The following ADGRL2 variants were observed in gnomAD, a reference collection of about 807,000 sequenced individuals.
ADGRL2 encodes the protein calcium-independent alpha-latrotoxin receptor 2.
ADGRL2 carries 44 observed loss-of-function variants against 157.4 expected under a neutral mutation model. The ratio of observed to expected loss-of-function variants is 0.28; its 90% confidence interval spans 0.22 to 0.36. The LOEUF is 0.36. Among genes scored for constraint, ADGRL2 ranks in the 10% least tolerant of loss-of-function variants. The pLI is 1.00. For synonymous variants in ADGRL2, 585 were observed against 624.7 expected (o/e 0.94, Z 0.95); for missense variants, 1,510 against 1,768.9 (o/e 0.85, Z 2.63).
intron 2 of ADGRL2, among the ~76,000 whole-genome samples, chr1:81,906,666 T>C (rs889259348): frequency 6.6e-6 from 1 of 152,148 alleles, no homozygotes; most frequent in African/African-American, 2.4e-5. Context: ...AAATGAAAAT[T>C]CTTTCTTGAT....
chr1:81,712,987 A>G (rs2083986837), intron 1 of ADGRL2, among the ~76,000 whole-genome samples: 1 of 151,842 alleles, frequency 6.6e-6, no homozygotes, highest in African/African-American at 2.4e-5. Flanking sequence ...CAAACTCCTG[A>G]CCTCAGGTGA....
chr1:81,400,940 G>C (rs551564148), intron 1 of ADGRL2, among the ~76,000 whole-genome samples: 1 of 152,158 alleles, frequency 6.6e-6, no homozygotes, highest in Non-Finnish European at 1.5e-5. Context: ...AGGATGCATA[G>C]CTGTTCAGTT....
chr1:81,336,743 T>C (rs552723999), intron 1 of ADGRL2, among the ~76,000 whole-genome samples: 1 of 152,302 alleles, frequency 6.6e-6, no homozygotes, highest in East Asian at 1.9e-4. Context: ...AGGGAAATAC[T>C]GGGTAGAAGA....
intron 1 of ADGRL2, chr1:81,722,308 G>A (rs2084359166): frequency 1.7e-6 from 1 of 589,398 alleles, no homozygotes; most frequent in African/African-American, 1.9e-5. Context: ...AAAAGAAAAT[G>A]CAGAGATAAC....
chr1:81,975,227 T>G (rs1327024), intron 17 of ADGRL2, among the ~76,000 whole-genome samples: 2,525 of 152,230 alleles, frequency 0.017, 46 homozygotes, highest in South Asian at 0.059. Context: ...TAGCCTATAC[T>G]TACTAGTAGT....
In ADGRL2 at chr1:81,961,244, C is replaced by CT. The variant is rs78729339; in HGVS notation, c.2018-4813dup. ...CAGAAAGTAGAGGATAGCATAACATCTGTGTACCACTTACTCAGCTGAGCC... is the reference window on the plus strand; with the variant it reads ...CAGAAAGTAGAGGATAGCATAACATCTTGTGTACCACTTACTCAGCTGAGCC... On this transcript the variant is annotated intron_variant, in intron 11 of 23. Coordinates refer to ENST00000686636, the MANE Select transcript of ADGRL2 (RefSeq NM_001366006.2). 6.8e-4 allele frequency among the ~76,000 whole-genome samples: 104 copies of CT among 152,212 alleles called. 1 individual carries two copies. The East Asian group carries it at 0.019, about 28-fold the overall frequency.
chr1:81,482,129 A>C (rs1272700926), intron 2 of ADGRL2, among the ~76,000 whole-genome samples: 1 of 152,198 alleles, frequency 6.6e-6, no homozygotes, highest in East Asian at 1.9e-4. Context: ...CTCTTTTAAA[A>C]CACCAGTTTG....
intron 2 of ADGRL2, among the ~76,000 whole-genome samples, chr1:81,882,330 G>A (rs2094009409): frequency 6.6e-6 from 1 of 152,040 alleles, no homozygotes; most frequent in Non-Finnish European, 1.5e-5. Context: ...TAATTTAAAT[G>A]TCCCACATAG....
intron 1 of ADGRL2, among the ~76,000 whole-genome samples, chr1:81,830,342 C>G (rs942391552): frequency 2.0e-5 from 3 of 152,088 alleles, no homozygotes; most frequent in African/African-American, 7.2e-5. Flanking sequence ...CTAATGTGAT[C>G]TACTTTATGT....
chr1:81,376,641 A>G lies in ADGRL2; in HGVS notation c.-301-68395A>G, dbSNP rs1188236333. On this transcript the variant is annotated intron_variant, in intron 1 of 24. Transcript: ENST00000370721. ...TCTCCCTTTCTCTTCTTCTTTATTC[A>G]CTCTCTCCCTCCCATATCGCTTGTC... Among the ~76,000 whole-genome samples, 6 of 132,178 alleles carry G rather than the reference A, an allele frequency of 4.5e-5. No individual in the cohort carries two copies. In the East Asian group the frequency reaches 1.3e-3, roughly 29 times the overall value. The allele number at this position is 132,178 out of a possible 152,430, so 86.7% of individuals were successfully genotyped here. A position where few individuals can be genotyped will look rare whatever the true frequency, so the allele number is the denominator to read the frequency against.
intron 2 of ADGRL2, among the ~76,000 whole-genome samples, chr1:81,882,069 A>G (rs1457600292): frequency 1.3e-5 from 2 of 152,196 alleles, no homozygotes; most frequent in Non-Finnish European, 2.9e-5. Flanking sequence ...GAATTTGTAC[A>G]ATTTGTTTCT....
chr1:81,362,330 T>A (rs1193657151), intron 1 of ADGRL2, among the ~76,000 whole-genome samples: 1 of 151,948 alleles, frequency 6.6e-6, no homozygotes, highest in African/African-American at 2.4e-5. Flanking sequence ...AATCCTTGTT[T>A]CTCCCAAAGA....
chr1:81,789,433 A>G (rs922344550), intron 2 of ADGRL2, among the ~76,000 whole-genome samples: 2 of 152,120 alleles, frequency 1.3e-5, no homozygotes, highest in East Asian at 3.9e-4. Flanking sequence ...ACTTTTTTTA[A>G]AAGCAGGAAT....
intron 2 of ADGRL2, among the ~76,000 whole-genome samples, chr1:81,785,420 A>G (rs1311864563): frequency 6.6e-6 from 1 of 152,154 alleles, no homozygotes; most frequent in Admixed American, 6.5e-5. Context: ...TAAAATTTAT[A>G]GAAAGCTTTA....
chr1:81,340,002 A>T lies in ADGRL2; in HGVS notation c.-302+33493A>T, dbSNP rs1051975900. ...TTGACCTTAAGAGATTCTCAAAAAG[A>T]GCTGTGCTATATTCATTTTGGTATC... On this transcript the variant is annotated intron_variant, in intron 1 of 24. Transcript: ENST00000370721. Among the ~76,000 whole-genome samples the T allele has an allele frequency of 4.6e-5, 7 of 152,200 alleles. 1 individual carries two copies. The highest frequency in any genetic ancestry group is 3.9e-4 in the Admixed American group (6 of 15,280).
intron 1 of ADGRL2, among the ~76,000 whole-genome samples, chr1:81,727,506 C>T (rs892302505): frequency 6.6e-6 from 1 of 152,024 alleles, no homozygotes; most frequent in Non-Finnish European, 1.5e-5. Flanking sequence ...GATCTCAGCT[C>T]ACCCTAACCT....
intron 1 of ADGRL2, among the ~76,000 whole-genome samples, chr1:81,332,495 T>C (rs1326764640): frequency 6.6e-6 from 1 of 152,188 alleles, no homozygotes; most frequent in Non-Finnish European, 1.5e-5. Flanking sequence ...TTAATCAAAT[T>C]TAGCAGTATC....
intron 2 of ADGRL2, among the ~76,000 whole-genome samples, chr1:81,503,707 C>T (rs2078906513): frequency 6.6e-6 from 1 of 152,284 alleles, no homozygotes; most frequent in African/African-American, 2.4e-5. Context: ...TCCTGGAGAA[C>T]TGGGTGGGGG....
intron 3 of ADGRL2, among the ~76,000 whole-genome samples, chr1:81,672,554 G>A (rs2082897621): frequency 6.6e-6 from 1 of 152,214 alleles, no homozygotes; most frequent in African/African-American, 2.4e-5. Context: ...GATGCCACAG[G>A]TTGAACTGCT....
Sources: gnomAD v4.1 joint callset for allele counts (sites outside exome capture counted in the v4.1 genomes callset) on GRCh38, gnomAD v4.1.1 for gene constraint, MANE v1.5 for transcripts, NCBI Gene and HGNC (gene_info 2026-07-23, HGNC 2026-07-21) for gene names.